The following PRIM2 variants were observed in gnomAD, a reference collection of about 807,000 sequenced individuals.
PRIM2 encodes DNA primase subunit 2, also known as DNA primase large subunit.
In PRIM2, 39 loss-of-function variants were observed where a neutral mutation model predicts 67.3. That is an observed-to-expected ratio of 0.58 (90% CI 0.45 to 0.76). PRIM2 has a LOEUF of 0.76. Among genes scored for constraint, PRIM2 ranks in the 30% least tolerant of loss-of-function variants. The probability of loss-of-function intolerance (pLI) is 0.00; values close to 1 mark genes in which losing one functional copy is unlikely to be tolerated. For missense variants in PRIM2, 398 were observed against 598.7 expected (o/e 0.66, Z 3.50); for synonymous variants, 143 against 198.7 (o/e 0.72, Z 2.36).
intron 13 of PRIM2, among the ~76,000 whole-genome samples, chr6:57,638,576 C>CAAAAAAAAAA (rs1227220865): frequency 8.7e-4 from 28 of 32,034 alleles, no homozygotes; most frequent in African/African-American, 2.5e-3. Context: ...AAACAGAAAG[C>CAAAAAAAAAA]AAAAAAAAAA....
chr6:57,621,023 A>G lies in PRIM2; in HGVS notation c.1231-11110A>G, dbSNP rs1396082650. Among the ~76,000 whole-genome samples the G allele has an allele frequency of 2.0e-5, 3 of 152,214 alleles. No individual in the cohort carries two copies. The East Asian group carries it at 5.8e-4, about 29-fold the overall frequency. ...TTTGCTCATTGCTTTTAATGATGTC[A>G]TGTCTTTTTTGTCCCTCAGTTTCTC... On this transcript the variant is annotated intron_variant, in intron 12 of 13. Coordinates refer to ENST00000615550, the MANE Select transcript of PRIM2 (RefSeq NM_000947.5).
intron 8 of PRIM2, among the ~76,000 whole-genome samples, chr6:57,516,355 A>C (rs1283186827): frequency 1.3e-5 from 2 of 152,192 alleles, no homozygotes; most frequent in Non-Finnish European, 2.9e-5. Context: ...GTATGGAGTG[A>C]AAACAGCTTT....
At chr6:57,531,853 C>T (rs1172050197) in intron 8 of PRIM2, among the ~76,000 whole-genome samples, 1 of 152,110 alleles carries the variant, frequency 6.6e-6, no homozygotes, top group African/African-American at 2.4e-5. Context: ...ACTCTTTGTA[C>T]ACTGTAAAAT....
intron 7 of PRIM2, among the ~76,000 whole-genome samples, chr6:57,470,409 TCTCCCCCTCTCCCCTCTCCCCCTCTC>T (rs1773308919): frequency 4.7e-5 from 3 of 64,388 alleles, no homozygotes; most frequent in African/African-American, 1.9e-4. Context: ...CCCTCTCCCC[TCTCCCCCTCTCCCCTCTCCCCCTCTC>T]CCCTCTCCCC....
At chr6:57,242,450 ATAATT>A in the PRIM2 span, among the ~76,000 whole-genome samples, 1 of 152,194 alleles carries the variant, frequency 6.6e-6, no homozygotes, top group Non-Finnish European at 1.5e-5. Flanking sequence ...TTTAAGAACA[ATAATT>A]TAATACTAAA....
At chr6:57,579,629 A>G (rs1355944314) in intron 10 of PRIM2, among the ~76,000 whole-genome samples, 1 of 152,224 alleles carries the variant, frequency 6.6e-6, no homozygotes, top group Non-Finnish European at 1.5e-5. Flanking sequence ...GAAGTGTGCT[A>G]AAGATCTTGT....
In PRIM2 at chr6:57,619,850, G is replaced by C. The variant is rs1189734868; in HGVS notation, c.1231-12283G>C. ...AAAAGCTTAGAAAACATATTTGGGGGAATAATGGAGGAAAACTTCCCCAGC... is the reference window on the plus strand; with the variant it reads ...AAAAGCTTAGAAAACATATTTGGGGCAATAATGGAGGAAAACTTCCCCAGC... On this transcript the variant is annotated intron_variant, in intron 12 of 13. Coordinates refer to ENST00000615550, the MANE Select transcript of PRIM2 (RefSeq NM_000947.5). Among the ~76,000 whole-genome samples the C allele has an allele frequency of 3.9e-5, 6 of 152,154 alleles. No homozygotes were observed. The East Asian group carries it at 1.2e-3, about 29-fold the overall frequency.
At chr6:57,321,369 G>T (rs77879244) in intron 3 of PRIM2, among the ~76,000 whole-genome samples, 2,025 of 152,212 alleles carry the variant, frequency 0.013, 40 homozygotes, top group African/African-American at 0.046. Context: ...GATGTCTAGT[G>T]GACAATTGGA....
intron 7 of PRIM2, among the ~76,000 whole-genome samples, chr6:57,441,329 G>A (rs980612179): frequency 3.3e-5 from 5 of 152,076 alleles, no homozygotes; most frequent in African/African-American, 1.2e-4. Context: ...AGCTTACCAG[G>A]GAAATTGTAA....
Position 57,425,725 on chromosome 6 carries a change from A to G in PRIM2, c.693+43557A>G, listed in dbSNP as rs1414581101. 3.9e-5 allele frequency among the ~76,000 whole-genome samples: 6 copies of G among 152,338 alleles called. No homozygotes were observed. The East Asian group carries it at 9.6e-4, about 24-fold the overall frequency. On this transcript the variant is annotated intron_variant, in intron 7 of 13. Transcript: ENST00000615550. ...TAATGATGAGAGTCATTCTAGGAAT[A>G]GAATTAGAAGGTACTTACAGGAGGC... is the stretch of plus-strand genomic sequence containing the variant.
chr6:57,611,373 C>T (rs1396226337), intron 12 of PRIM2, among the ~76,000 whole-genome samples: 1 of 152,084 alleles, frequency 6.6e-6, no homozygotes, highest in African/African-American at 2.4e-5. Flanking sequence ...GATTTCAAAA[C>T]TTACTGAAAA....
chr6:57,527,362 C>T (rs1774779396), intron 8 of PRIM2, among the ~76,000 whole-genome samples: 1 of 152,204 alleles, frequency 6.6e-6, no homozygotes, highest in Admixed American at 6.5e-5. Flanking sequence ...GTCACTCAGG[C>T]TAGAAACTGA....
intron 7 of PRIM2, among the ~76,000 whole-genome samples, chr6:57,403,999 A>T (rs1367900694): frequency 1.4e-5 from 2 of 138,456 alleles, no homozygotes; most frequent in Non-Finnish European, 3.1e-5. Context: ...CAGAGAAAGA[A>T]GCAGCAAACT....
chr6:57,289,154 G>C, the PRIM2 span, among the ~76,000 whole-genome samples: 3 of 152,136 alleles, frequency 2.0e-5, no homozygotes, highest in South Asian at 4.2e-4. Context: ...ACTTTGTGAC[G>C]CATGCACAAG....
chr6:57,478,500 C>T (rs1273767441), intron 7 of PRIM2, among the ~76,000 whole-genome samples: 2 of 151,966 alleles, frequency 1.3e-5, no homozygotes, highest in Non-Finnish European at 2.9e-5. Context: ...GTCAGAGTGC[C>T]TGGCTGCATG....
At chr6:57,316,616 A>G (rs1767489972), upstream of PRIM2, among the ~76,000 whole-genome samples, 1 of 152,248 alleles carries the variant, frequency 6.6e-6, no homozygotes, top group South Asian at 2.1e-4. Flanking sequence ...CAAAGCATTC[A>G]TTTGATCTCC....
At chr6:57,356,931 C>CTTT (rs761605036) in intron 5 of PRIM2, among the ~76,000 whole-genome samples, 8 of 120,786 alleles carry the variant, frequency 6.6e-5, no homozygotes, top group Non-Finnish European at 8.7e-5. Context: ...CCAATCCATT[C>CTTT]TTTTTTTTTT....
the PRIM2 span, among the ~76,000 whole-genome samples, chr6:57,269,065 G>A: frequency 1.9e-3 from 290 of 151,970 alleles, no homozygotes; most frequent in African/African-American, 6.6e-3. Context: ...CCAAGTCTTC[G>A]CTATTGTGAA....
chr6:57,507,336 G>A, intron 7 of PRIM2, 51 bp from the exon 8 acceptor site: 1 of 1,282,990 alleles, frequency 7.8e-7, no homozygotes, highest in Non-Finnish European at 1.1e-6. Context: ...ATTCAAATAT[G>A]TTCGGTGTTC....
Sources: allele counts gnomAD v4.1 joint callset (sites outside exome capture counted in the v4.1 genomes callset), GRCh38; gene constraint gnomAD v4.1.1; transcripts MANE v1.5; gene names NCBI Gene and HGNC (gene_info 2026-07-23, HGNC 2026-07-21).